MACROD2: variants seen among roughly 807,000 people sequenced by gnomAD.
The protein encoded by MACROD2 is ADP-ribose glycohydrolase MACROD2.
In MACROD2, 36 loss-of-function variants were observed where a neutral mutation model predicts 70.4. The ratio of observed to expected loss-of-function variants is 0.51; its 90% CI spans 0.39 to 0.68. The LOEUF is 0.68. Ranked by LOEUF, MACROD2 falls within the 30% of genes least tolerant of loss-of-function variation. The pLI is 0.00. For missense variants in MACROD2, 496 were observed against 538.4 expected, an observed-to-expected ratio of 0.92 and a Z score of 0.78; for synonymous variants, 172 against 178.8, an observed-to-expected ratio of 0.96 and a Z score of 0.30.
chr20:14,912,074 G>A (rs928053282), intron 5 of MACROD2, among the ~76,000 whole-genome samples: 1 of 152,086 alleles, frequency 6.6e-6, no homozygotes, highest in Non-Finnish European at 1.5e-5. Context: ...CGTGCTACAG[G>A]AAGATAAATT....
chr20:15,724,343 T>G (rs1378296202), intron 8 of MACROD2, among the ~76,000 whole-genome samples: 1 of 152,236 alleles, frequency 6.6e-6, no homozygotes, highest in African/African-American at 2.4e-5. Context: ...TGAGTCATTG[T>G]CATACCCAAG....
chr20:15,228,353 G>A (rs1224102615), intron 5 of MACROD2, among the ~76,000 whole-genome samples: 5 of 151,940 alleles, frequency 3.3e-5, no homozygotes, highest in Admixed American at 1.3e-4. Context: ...TCTTAATATC[G>A]GCTGACAAGG....
At chr20:14,679,279 G>T (rs985675835) in intron 4 of MACROD2, among the ~76,000 whole-genome samples, 4 of 152,130 alleles carry the variant, frequency 2.6e-5, no homozygotes, top group Non-Finnish European at 1.5e-5. Context: ...AATAGAAATT[G>T]AAAAATGGGA....
rs891587279 is a variant in MACROD2, at chr20:15,353,190, A to G, written c.541-78215A>G. 5.9e-5 allele frequency among the ~76,000 whole-genome samples: 9 copies of G among 151,950 alleles called. No individual in the cohort carries two copies. The South Asian group carries it at 6.2e-4, about 11-fold the overall frequency. On this transcript the variant is annotated intron_variant, in intron 6 of 17. Transcript: ENST00000684519. ...ATGGAACAGAACAGAGCCCTCAGAA[A>G]TAATGCCACATATCTACAACTATCT... is the stretch of plus-strand genomic sequence containing the variant.
chr20:14,768,233 G>A (rs776680050), intron 5 of MACROD2, among the ~76,000 whole-genome samples: 1 of 152,060 alleles, frequency 6.6e-6, no homozygotes, highest in Non-Finnish European at 1.5e-5. Flanking sequence ...CACAATGGCT[G>A]AAGTAATTTA....
At chr20:16,002,883 C>T (rs916183997) in intron 15 of MACROD2, among the ~76,000 whole-genome samples, 1 of 152,192 alleles carries the variant, frequency 6.6e-6, no homozygotes, top group African/African-American at 2.4e-5. Flanking sequence ...GACTTTCCCA[C>T]TGTCTTCTTT....
At chr20:14,919,701 G>A (rs1337682607) in intron 5 of MACROD2, among the ~76,000 whole-genome samples, 1 of 152,094 alleles carries the variant, frequency 6.6e-6, no homozygotes, top group Non-Finnish European at 1.5e-5. Context: ...ACATTCTTTA[G>A]ACTCTTTGTC....
rs763048882 is a variant in MACROD2, at chr20:14,326,558, G to A, written c.272-166921G>A. 4.3e-6 allele frequency: 7 copies of A among 1,613,866 alleles called. No homozygotes were observed. The highest frequency in any genetic ancestry group is 1.7e-5 in the Admixed American group (1 of 59,974). ...ACAGGTAGTGATTGTAACCAGTCAC[G>A]TACCCATTTCATCTTGCACCCGCAA... is the stretch of plus-strand genomic sequence containing the variant. On this transcript the variant is annotated intron_variant, in intron 3 of 17. Coordinates refer to ENST00000684519, the MANE Select transcript of MACROD2 (RefSeq NM_001351661.2). The surrounding 1 kb of genome is among the most constrained non-coding windows in gnomAD (Gnocchi z 5.5).
At chr20:15,533,444 A>G (rs1443879508) in intron 8 of MACROD2, among the ~76,000 whole-genome samples, 1 of 152,026 alleles carries the variant, frequency 6.6e-6, no homozygotes, top group African/African-American at 2.4e-5. Context: ...CATTTGTATT[A>G]CGGGGTACTT....
intron 4 of MACROD2, among the ~76,000 whole-genome samples, chr20:14,572,236 A>G (rs1032514109): frequency 3.3e-5 from 5 of 152,164 alleles, no homozygotes; most frequent in African/African-American, 7.2e-5. Flanking sequence ...TGAGAGTATC[A>G]TAGAGATCAG....
chr20:14,325,681 A>C (rs1349913236), intron 3 of MACROD2: 1 of 1,613,838 alleles, frequency 6.2e-7, no homozygotes, highest in South Asian at 1.1e-5. Flanking sequence ...GTGTATTACA[A>C]ACTCCTCCTT....
At chr20:15,124,393 G>T (rs1472224083) in intron 5 of MACROD2, among the ~76,000 whole-genome samples, 1 of 144,366 alleles carries the variant, frequency 6.9e-6, no homozygotes, top group African/African-American at 2.6e-5. Context: ...AAAATTACAA[G>T]CTTTAAGATA....
chr20:14,628,375 TGTA>T (rs1356990570), intron 4 of MACROD2, among the ~76,000 whole-genome samples: 3 of 152,252 alleles, frequency 2.0e-5, no homozygotes, highest in African/African-American at 4.8e-5. Flanking sequence ...CTGGAAATCA[TGTA>T]GTAGCAGAGG....
At chr20:14,727,081 T>G (rs913949456) in intron 5 of MACROD2, among the ~76,000 whole-genome samples, 1 of 152,206 alleles carries the variant, frequency 6.6e-6, no homozygotes. Flanking sequence ...AATGTAGTTT[T>G]GCCTTTTTGT....
intron 6 of MACROD2, among the ~76,000 whole-genome samples, chr20:15,237,177 A>G (rs950539153): frequency 1.3e-5 from 2 of 152,200 alleles, no homozygotes; most frequent in African/African-American, 4.8e-5. Context: ...AGATACATCA[A>G]AACAAAGCCT....
intron 3 of MACROD2, among the ~76,000 whole-genome samples, chr20:14,463,798 G>A (rs2084403106): frequency 6.6e-6 from 1 of 151,938 alleles, no homozygotes; most frequent in Non-Finnish European, 1.5e-5. Flanking sequence ...TAATCATGTG[G>A]TTTTTGTCTT....
At chr20:15,685,565 T>C (rs1459520939) in intron 8 of MACROD2, among the ~76,000 whole-genome samples, 1 of 152,120 alleles carries the variant, frequency 6.6e-6, no homozygotes, top group Non-Finnish European at 1.5e-5. Context: ...CTAGATTGAA[T>C]CTAGACAAGG....
At chr20:14,704,885 T>G (rs1371347106) in intron 5 of MACROD2, among the ~76,000 whole-genome samples, 3 of 152,166 alleles carry the variant, frequency 2.0e-5, no homozygotes, top group African/African-American at 7.2e-5. Flanking sequence ...AGGGGCTGGC[T>G]TTTGAGACAG....
intron 5 of MACROD2, among the ~76,000 whole-genome samples, chr20:14,789,764 C>T (rs1249876484): frequency 1.3e-5 from 2 of 151,924 alleles, no homozygotes; most frequent in Admixed American, 6.6e-5. Flanking sequence ...GTGTGAGCCA[C>T]TGCACCCGGC....
Sources: gnomAD v4.1 joint callset for allele counts (sites outside exome capture counted in the v4.1 genomes callset) on GRCh38, gnomAD v4.1.1 for gene constraint, Gnocchi (gnomAD v3.1) non-coding constraint, MANE v1.5 for transcripts, NCBI Gene and HGNC (gene_info 2026-07-23, HGNC 2026-07-21) for gene names.